Variants in RYR2 observed in about 807,000 individuals in gnomAD.
RYR2 encodes ryanodine receptor 2, also known as cardiac muscle ryanodine receptor-calcium release channel.
Under a neutral mutation model 601.1 loss-of-function variants are expected in RYR2, and 227 were observed. The observed-to-expected ratio is 0.38, with a 90% CI of 0.34 to 0.42. RYR2 has a LOEUF of 0.42. RYR2 is among the 10% of genes least tolerant of loss of function. RYR2 has a pLI of 1.00. For missense variants in RYR2, 4,646 were observed against 6,156.5 expected, an observed-to-expected ratio of 0.75 and a Z score of 8.21; for synonymous variants, 2,223 against 2,175.1, an observed-to-expected ratio of 1.02 and a Z score of -0.61.
At chr1:237,536,055 C>T (rs1262928816) in intron 25 of RYR2, among the ~76,000 whole-genome samples, 1 of 151,916 alleles carries the variant, frequency 6.6e-6, no homozygotes, top group Non-Finnish European at 1.5e-5. Context: ...AAGGCCAGTG[C>T]AGTGAGACAA....
chr1:237,387,036 AT>A (rs1267895143), intron 8 of RYR2, among the ~76,000 whole-genome samples: 1 of 152,226 alleles, frequency 6.6e-6, no homozygotes, highest in Non-Finnish European at 1.5e-5. Context: ...TAGTGTATTC[AT>A]TTATGCATAT....
intron 1 of RYR2, among the ~76,000 whole-genome samples, chr1:237,144,258 C>G (rs746937954): frequency 6.6e-5 from 10 of 152,154 alleles, no homozygotes; most frequent in Non-Finnish European, 1.5e-4. Flanking sequence ...TACATGTTCT[C>G]AAGACAGACT....
At chr1:237,651,536 C>T (rs778902777) in intron 51 of RYR2, 35 bp downstream of exon 51, 61 of 1,271,546 alleles carry the variant, frequency 4.8e-5, no homozygotes, top group Middle Eastern at 2.1e-4. Context: ...TATTTGATTA[C>T]TGGCTTCTCT....
chr1:237,256,915 A>G (rs1417244484), intron 1 of RYR2, among the ~76,000 whole-genome samples: 3 of 152,296 alleles, frequency 2.0e-5, no homozygotes, highest in East Asian at 3.9e-4. Context: ...TATTCATGAT[A>G]TAGCCAACCT....
At chr1:237,312,482 G>C (rs116631069) in intron 2 of RYR2, among the ~76,000 whole-genome samples, 1 of 152,114 alleles carries the variant, frequency 6.6e-6, no homozygotes, top group Non-Finnish European at 1.5e-5. Flanking sequence ...TTTTTATAGC[G>C]TACTCCCTTG....
intron 1 of RYR2, among the ~76,000 whole-genome samples, chr1:237,062,280 G>A (rs896869685): frequency 6.6e-6 from 1 of 152,122 alleles, no homozygotes; most frequent in African/African-American, 2.4e-5. Flanking sequence ...ATGAGCTGCT[G>A]GAATTTTTAA....
At chr1:237,760,502 G>C (rs1693336142) in intron 83 of RYR2, among the ~76,000 whole-genome samples, 1 of 151,428 alleles carries the variant, frequency 6.6e-6, no homozygotes, top group African/African-American at 2.4e-5. Context: ...TTAGGAGCTT[G>C]TAGGCCATTT....
intron 24 of RYR2, among the ~76,000 whole-genome samples, chr1:237,518,621 T>C (rs914318846): frequency 6.6e-6 from 1 of 152,210 alleles, no homozygotes; most frequent in African/African-American, 2.4e-5. Context: ...TAATAGTCCA[T>C]TATGTATATA....
chr1:237,098,459 C>G (rs1360516544), intron 1 of RYR2, among the ~76,000 whole-genome samples: 6 of 150,926 alleles, frequency 4.0e-5, no homozygotes, highest in Non-Finnish European at 4.4e-5. Context: ...TAGCAAATTT[C>G]AGGGGTACAA....
intron 53 of RYR2, 119 bp from the exon 54 acceptor site, chr1:237,657,825 G>T: frequency 1.8e-6 from 1 of 548,116 alleles, no homozygotes; most frequent in Non-Finnish European, 3.2e-6. Flanking sequence ...AAAAGAAGTC[G>T]TGTTTAACAG....
At chr1:237,391,863 T>C (rs1407896255) in intron 10 of RYR2, among the ~76,000 whole-genome samples, 3 of 152,100 alleles carry the variant, frequency 2.0e-5, no homozygotes, top group Non-Finnish European at 2.9e-5. Flanking sequence ...CCTATCAGAG[T>C]TAAACTAAAT....
At chr1:237,459,733 T>A (rs55832906) in intron 16 of RYR2, among the ~76,000 whole-genome samples, 28 of 152,270 alleles carry the variant, frequency 1.8e-4, no homozygotes, top group Non-Finnish European at 4.0e-4. Context: ...GGGGATTAAA[T>A]TTGATTATTT....
At chr1:237,289,551 A>G (rs1309423415) in intron 2 of RYR2, among the ~76,000 whole-genome samples, 1 of 152,172 alleles carries the variant, frequency 6.6e-6, no homozygotes, top group African/African-American at 2.4e-5. Context: ...TTAACAAATC[A>G]TCAGATCTCA....
At position 237,625,766 on chromosome 1, in the gene RYR2, A is replaced by G; in HGVS notation, c.6128A>G (p.Gln2043Arg). Reference sequence around the variant, plus strand: ...AAGGTGACATATCTGAAGAAGAAGCAAGCAGAAAAACCAGTTGAGAGTGAC... The same window carrying G: ...AAGGTGACATATCTGAAGAAGAAGCGAGCAGAAAAACCAGTTGAGAGTGAC... ...VEKVTYLKKK[Q>R]AEKPVESDSK... Residue 2043 changes from glutamine (Q) to arginine (R), a missense_variant, in exon 40 of 105, where the codon CAA becomes CGA. Physicochemically the swap from Gln to Arg is conservative, Grantham distance 43. This residue lies in a region of RYR2 where 170 missense variants were observed against 184.5 expected (regional missense o/e 0.92). Coordinates refer to ENST00000366574, the MANE Select transcript of RYR2 (RefSeq NM_001035.3). 1 of 1,613,816 alleles carries G rather than the reference A, an allele frequency of 6.2e-7. No homozygotes were observed. The highest frequency in any genetic ancestry group is 2.2e-5 in the East Asian group (1 of 44,840).
At chr1:237,704,994 G>A (rs1221241245) in intron 66 of RYR2, among the ~76,000 whole-genome samples, 1 of 152,140 alleles carries the variant, frequency 6.6e-6, no homozygotes, top group East Asian at 1.9e-4. Context: ...TAAGTTGACA[G>A]ATAATTTTTT....
In RYR2 at chr1:237,103,767, C is replaced by T. The variant is rs112440615; in HGVS notation, c.48+61198C>T. On this transcript the variant is annotated intron_variant, in intron 1 of 104. Transcript: ENST00000366574. ...TATTTTTAGTAGAGACAGGGTTTTA[C>T]CATGTTGGCCAGGCTGGTCTCGAAC... 2.3e-3 allele frequency among the ~76,000 whole-genome samples: 348 copies of T among 152,248 alleles called. 3 individuals carry two copies. The highest frequency in any genetic ancestry group is 8.0e-3 in the African/African-American group (331 of 41,524).
intron 12 of RYR2, among the ~76,000 whole-genome samples, chr1:237,434,489 C>T (rs1402168984): frequency 6.6e-6 from 1 of 152,146 alleles, no homozygotes; most frequent in African/African-American, 2.4e-5. Context: ...AAATATTCTT[C>T]ACTTTCTCTA....
chr1:237,229,523 T>C (rs963750610), intron 1 of RYR2, among the ~76,000 whole-genome samples: 1 of 151,762 alleles, frequency 6.6e-6, no homozygotes, highest in Non-Finnish European at 1.5e-5. Context: ...TTCCTGTTGG[T>C]ACATTGAATT....
chr1:237,089,584 C>T (rs187810499), intron 1 of RYR2, among the ~76,000 whole-genome samples: 20 of 152,174 alleles, frequency 1.3e-4, no homozygotes, highest in Admixed American at 3.9e-4. Context: ...TTATTGCCAG[C>T]CTCCCTTGAG....
Sources: gnomAD v4.1 joint callset for allele counts (sites outside exome capture counted in the v4.1 genomes callset) on GRCh38, gnomAD v4.1.1 for gene constraint, gnomAD v4.1.1 regional missense constraint, MANE v1.5 for transcripts, NCBI Gene and HGNC (gene_info 2026-07-23, HGNC 2026-07-21) for gene names.